RIC3: variants seen among roughly 807,000 people sequenced by gnomAD.
The protein encoded by RIC3 is RIC3 acetylcholine receptor chaperone.
Under a neutral mutation model 27.3 loss-of-function variants are expected in RIC3, and 28 were observed. The ratio of observed to expected loss-of-function variants is 1.02; its 90% CI spans 0.76 to 1.41. The LOEUF (loss-of-function observed/expected upper bound fraction) is 1.41, where lower values mean the gene tolerates loss of function less well. RIC3 is among the 40% of genes most tolerant of loss of function. The pLI, the probability that RIC3 is intolerant of heterozygous loss-of-function variation, is 0.00. For synonymous variants in RIC3, 184 were observed against 160.4 expected (o/e 1.15, Z -1.11); for missense variants, 501 against 444.7 (o/e 1.13, Z -1.14).
At chr11:8,131,833 G>A (rs529896449) in intron 4 of RIC3, among the ~76,000 whole-genome samples, 1 of 148,622 alleles carries the variant, frequency 6.7e-6, no homozygotes, top group Non-Finnish European at 1.5e-5. Flanking sequence ...CCTGGGAGGT[G>A]GAGGTTGCAG....
chr11:8,095,257 G>A, the RIC3 span, among the ~76,000 whole-genome samples: 1 of 152,186 alleles, frequency 6.6e-6, no homozygotes, highest in Admixed American at 6.5e-5. Context: ...GTGAGGTGTT[G>A]TAAACCAACC....
chr11:8,115,070 A>G (rs1945698508), intron 5 of RIC3, among the ~76,000 whole-genome samples: 1 of 152,168 alleles, frequency 6.6e-6, no homozygotes, highest in Non-Finnish European at 1.5e-5. Context: ...GGGGAAAGTT[A>G]TAAATATCTG....
chr11:8,127,689 C>A (rs1033511036), intron 4 of RIC3, among the ~76,000 whole-genome samples: 1 of 152,204 alleles, frequency 6.6e-6, no homozygotes, highest in Non-Finnish European at 1.5e-5. Flanking sequence ...CCAGTTTTAT[C>A]TAGCAGCAGG....
intron 4 of RIC3, among the ~76,000 whole-genome samples, chr11:8,136,743 C>T (rs983709874): frequency 2.0e-5 from 3 of 152,142 alleles, no homozygotes; most frequent in Admixed American, 2.0e-4. Context: ...TGTTCAATAA[C>T]CTGGTTTTAC....
intron 1 of RIC3, among the ~76,000 whole-genome samples, chr11:8,141,228 C>CA (rs1361944750): frequency 6.6e-6 from 1 of 152,022 alleles, no homozygotes; most frequent in African/African-American, 2.4e-5. Flanking sequence ...TTAAAATACA[C>CA]AGACTGGCAA....
chr11:8,147,363 T>G (rs1470146269), intron 1 of RIC3, among the ~76,000 whole-genome samples: 1 of 152,122 alleles, frequency 6.6e-6, no homozygotes, highest in Non-Finnish European at 1.5e-5. Flanking sequence ...CTAAATTAAC[T>G]GAGATCTGTC....
the RIC3 span, chr11:8,094,258 T>G: frequency 6.6e-7 from 1 of 1,507,582 alleles, no homozygotes. Context: ...GGAAGGTTTG[T>G]CCTCCTGACT....
chr11:8,096,772 G>A, the RIC3 span: 52 of 1,614,002 alleles, frequency 3.2e-5, no homozygotes, highest in Non-Finnish European at 4.0e-5. Flanking sequence ...AGTAACACCC[G>A]CCCCAGCTCT....
At chr11:8,144,965 G>T (rs1183096384) in intron 1 of RIC3, among the ~76,000 whole-genome samples, 1 of 135,278 alleles carries the variant, frequency 7.4e-6, no homozygotes, top group African/African-American at 2.8e-5. Flanking sequence ...TCACTCATAG[G>T]TGGGAATTGA....
intron 4 of RIC3, chr11:8,128,250 G>A (rs201576439): frequency 3.9e-5 from 18 of 457,082 alleles, no homozygotes; most frequent in East Asian, 2.8e-4. Flanking sequence ...CTCTTCAGGC[G>A]GCACATGTTA....
chr11:8,147,309 C>T (rs938359000), intron 1 of RIC3, among the ~76,000 whole-genome samples: 2 of 152,288 alleles, frequency 1.3e-5, no homozygotes, highest in South Asian at 2.1e-4. Flanking sequence ...CTTCTTGAGG[C>T]CGTGTCATGG....
intron 1 of RIC3, among the ~76,000 whole-genome samples, chr11:8,140,890 G>A (rs1362724840): frequency 6.6e-6 from 1 of 151,380 alleles, no homozygotes; most frequent in East Asian, 1.9e-4. Context: ...CATTCTTAAA[G>A]AAAAGAATTT....
intron 5 of RIC3, 57 bp from the exon 6 acceptor site, chr11:8,111,194 AAT>A (rs1272893119): frequency 2.4e-6 from 3 of 1,257,956 alleles, no homozygotes; most frequent in Admixed American, 2.3e-5. Context: ...AAAAAAAAAA[AAT>A]AGTGTCAGGT....
downstream of RIC3, chr11:8,103,904 C>T (rs530503257): frequency 6.6e-6 from 1 of 152,366 alleles, no homozygotes; most frequent in South Asian, 2.1e-4. Flanking sequence ...CTGCTTTCTC[C>T]TGTAGCACAA....
chr11:8,137,734 C>T (rs996437968), intron 3 of RIC3, among the ~76,000 whole-genome samples: 7 of 147,548 alleles, frequency 4.7e-5, no homozygotes, highest in Admixed American at 4.7e-4. Flanking sequence ...TGATTTCCTG[C>T]AATGCTTTTG....
chr11:8,140,092 A>G lies in RIC3; in HGVS notation c.226T>C (p.Phe76Leu), dbSNP rs1477703079. The G allele has an allele frequency of 7.4e-6, 12 of 1,613,986 alleles. No individual in the cohort carries two copies. The highest frequency in any genetic ancestry group is 8.5e-6 in the Non-Finnish European group (10 of 1,179,974). ...RFQRSHLAEA[F>L]AKAKGSGGGA... ...CCACCTGATCCTTTGGCCTTTGCAA[A>G]TGCCTCGGCAAGGTGAGACCTCTGG... Residue 76 changes from phenylalanine to leucine, a missense_variant, in exon 2 of 6, where the codon TTT becomes CTT. Phe to Leu is a conservative substitution (Grantham distance 22, BLOSUM62 0). Coordinates refer to ENST00000309737, the MANE Select transcript of RIC3 (RefSeq NM_001206671.4).
chr11:8,122,156 A>G (rs1320313789), intron 5 of RIC3, among the ~76,000 whole-genome samples: 1 of 152,164 alleles, frequency 6.6e-6, no homozygotes, highest in Non-Finnish European at 1.5e-5. Flanking sequence ...AACAACCAGG[A>G]TATTAATATT....
chr11:8,134,368 G>A (rs530028002), intron 4 of RIC3, among the ~76,000 whole-genome samples: 1 of 152,254 alleles, frequency 6.6e-6, no homozygotes, highest in South Asian at 2.1e-4. Flanking sequence ...GTATATATGT[G>A]CCACATTTTC....
intron 1 of RIC3, among the ~76,000 whole-genome samples, chr11:8,155,448 T>C (rs900986973): frequency 1.3e-5 from 2 of 151,856 alleles, no homozygotes; most frequent in African/African-American, 4.8e-5. Flanking sequence ...TGGTGGCACA[T>C]GCCTATAATC....
Sources: allele counts gnomAD v4.1 joint callset (sites outside exome capture counted in the v4.1 genomes callset), GRCh38; gene constraint gnomAD v4.1.1; transcripts MANE v1.5; gene names NCBI Gene and HGNC (gene_info 2026-07-23, HGNC 2026-07-21).